Variants in TRPM2 observed in about 807,000 individuals in gnomAD.
TRPM2 encodes estrogen-responsive element-associated gene 1 protein.
Under a neutral mutation model 174.0 loss-of-function variants are expected in TRPM2, and 161 were observed. The ratio of observed to expected loss-of-function variants is 0.93; its 90% CI spans 0.81 to 1.05. The LOEUF is 1.05. Ranked by LOEUF, TRPM2 falls within the 50% of genes least tolerant of loss-of-function variation. The pLI, the probability that TRPM2 is intolerant of heterozygous loss-of-function variation, is 0.00. For synonymous variants in TRPM2, 954 were observed against 861.3 expected (o/e 1.11, Z -1.88); for missense variants, 2,057 against 2,038.0 (o/e 1.01, Z -0.18).
intron 3 of TRPM2, 21 bp downstream of exon 3, chr21:44,364,303 C>T (rs368881073): frequency 8.1e-6 from 13 of 1,612,088 alleles, no homozygotes; most frequent in African/African-American, 1.3e-5. Context: ...ATCACTCTCG[C>T]TCTGAACTGT....
In TRPM2 at chr21:44,418,357, GTCAGGGCT is replaced by G. The variant is rs371545566; in HGVS notation, c.3329-58_3329-51del. On this transcript the variant is annotated intron_variant, in intron 21 of 31. Coordinates refer to ENST00000397928, the MANE Select transcript of TRPM2 (RefSeq NM_003307.4). ...CCCTCCCACGGGGCCCCCCCGGTGG[GTCAGGGCT>G]TCAGGGCCCACCTCCTGAGGATTCC... The G allele has an allele frequency of 2.5e-6, 4 of 1,587,966 alleles. No homozygotes were observed. In the South Asian group the frequency reaches 3.4e-5, roughly 13 times the overall value.
intron 6 of TRPM2, 96 bp from the exon 7 acceptor site, chr21:44,377,616 C>T: frequency 6.5e-7 from 1 of 1,526,758 alleles, no homozygotes; most frequent in Non-Finnish European, 9.0e-7. Context: ...CACCTCTGTC[C>T]CCTCACTCGG....
At chr21:44,422,190 C>T in intron 22 of TRPM2, 1 of 1,476,144 alleles carries the variant, frequency 6.8e-7, no homozygotes, top group Non-Finnish European at 9.0e-7. Flanking sequence ...AGCTGGGCAC[C>T]TGGGAGGCGC....
intron 15 of TRPM2, among the ~76,000 whole-genome samples, chr21:44,400,969 A>C (rs2049598110): frequency 6.6e-6 from 1 of 152,178 alleles, no homozygotes. Context: ...TCAAGACCCC[A>C]GCGAGGTGGC....
At chr21:44,362,801 T>A (rs1278326523) in intron 2 of TRPM2, among the ~76,000 whole-genome samples, 1 of 151,770 alleles carries the variant, frequency 6.6e-6, no homozygotes, top group East Asian at 1.9e-4. Context: ...TTTTGAGGAG[T>A]CTCCCACTGT....
intron 12 of TRPM2, among the ~76,000 whole-genome samples, chr21:44,396,473 G>A (rs1383980272): frequency 1.6e-4 from 3 of 18,668 alleles, no homozygotes; most frequent in Non-Finnish European, 2.0e-4. Context: ...GTGTGGAGGG[G>A]TGTGGAGGCT....
chr21:44,383,850 A>T (rs1360587416), intron 9 of TRPM2, among the ~76,000 whole-genome samples: 2 of 152,248 alleles, frequency 1.3e-5, no homozygotes, highest in Admixed American at 1.3e-4. Context: ...TATGGGACAT[A>T]GCAAAAACAA....
chr21:44,428,797 A>T (rs1370654887), intron 27 of TRPM2, among the ~76,000 whole-genome samples: 2 of 145,110 alleles, frequency 1.4e-5, no homozygotes. Context: ...TCCTTCCCTG[A>T]GGTCTGGCTC....
rs754357733 is a variant in TRPM2 at position 44,382,707 on chromosome 21, G to A, written c.1216-11G>A. 1 of 1,613,322 alleles carries A rather than the reference G, an allele frequency of 6.2e-7. No homozygotes were observed. The highest frequency in any genetic ancestry group is 8.5e-7 in the Non-Finnish European group (1 of 1,179,634). On this transcript the variant is annotated splice_polypyrimidine_tract_variant and intron_variant, in intron 8 of 31. Coordinates refer to ENST00000397928, the MANE Select transcript of TRPM2 (RefSeq NM_003307.4). ...TCACTGTGTGTCTCACTTAGAAAAT[G>A]CTTGTTGCAGATCCAAGATATCGTC...
Position 44,440,775 on chromosome 21 carries a change from C to A in TRPM2, c.4270-14C>A. On this transcript the variant is annotated splice_polypyrimidine_tract_variant and intron_variant, in intron 30 of 31. Coordinates refer to ENST00000397928, the MANE Select transcript of TRPM2 (RefSeq NM_003307.4). ...GTCCCTCGCTGTCGGGCTTACCCTG[C>A]CCTGCCCATCCAGGTGTACAAAGGC... is the stretch of plus-strand genomic sequence containing the variant. 6.2e-7 allele frequency: 1 copy of A among 1,611,344 alleles called. No homozygotes were observed. Among genetic ancestry groups the A allele is most frequent in the African/African-American group, 1.3e-5 (1 of 75,002 alleles).
chr21:44,422,150 C>T lies in TRPM2; in HGVS notation c.3462-1495C>T, dbSNP rs139999835. ...CCTCAGCCCGTACCAAGGGCCCTAG[C>T]CTGGTCACCGTCCCCTCCTCCAGTG... On this transcript the variant is annotated intron_variant, in intron 22 of 31. Transcript: ENST00000397928. The T allele has an allele frequency of 1.4e-5, 17 of 1,198,998 alleles. 1 individual carries two copies. The South Asian group carries it at 2.5e-4, about 18-fold the overall frequency. The allele number at this position is 1,198,998 out of a possible 1,614,324, so 74.3% of individuals were successfully genotyped here. A position where few individuals can be genotyped will look rare whatever the true frequency, so the allele number is the denominator to read the frequency against.
intron 5 of TRPM2, among the ~76,000 whole-genome samples, chr21:44,374,301 G>A (rs950606979): frequency 1.8e-4 from 28 of 152,214 alleles, no homozygotes; most frequent in Admixed American, 7.8e-4. Context: ...GTGAGCCACC[G>A]TGCCTGGCCC....
Position 44,441,915 on chromosome 21 carries a change from G to A in TRPM2, c.*98G>A. On this transcript the variant is annotated 3_prime_UTR_variant, in exon 32 of 32. Transcript: ENST00000397928. ...CTGGCCAGGACTCAGGCTGTTCCTG[G>A]GCCCTGCACATGATGGGGTTTGGTG... The A allele has an allele frequency of 7.0e-7, 1 of 1,428,084 alleles. No individual in the cohort carries two copies. The highest frequency in any genetic ancestry group is 9.2e-7 in the Non-Finnish European group (1 of 1,089,342). The allele number at this position is 1,428,084 out of a possible 1,614,324, so 88.5% of individuals were successfully genotyped here. A position where few individuals can be genotyped will look rare whatever the true frequency, so the allele number is the denominator to read the frequency against.
intron 27 of TRPM2, among the ~76,000 whole-genome samples, chr21:44,433,716 C>A (rs1377510138): frequency 6.6e-6 from 1 of 152,192 alleles, no homozygotes; most frequent in Non-Finnish European, 1.5e-5. Context: ...TGGGCCCCAC[C>A]GTGCAAGGCC....
In TRPM2 at chr21:44,439,298, G is replaced by C; in HGVS notation, c.4269+130G>C. ...GTCCCACCCAGCTTCACCAGGTGAC[G>C]GTGGTCCCAGCCCCTGCCCCCACGT... On this transcript the variant is annotated intron_variant, in intron 30 of 31. Coordinates refer to ENST00000397928, the MANE Select transcript of TRPM2 (RefSeq NM_003307.4). This position sits in a 1 kb window ranked among gnomAD's most constrained non-coding sequence, Gnocchi z 5.1. The C allele has an allele frequency of 1.3e-6, 1 of 772,002 alleles. No individual in the cohort carries two copies. The highest frequency in any genetic ancestry group is 1.6e-5 in the South Asian group (1 of 61,472). The allele number at this position is 772,002 out of a possible 1,614,324, so 47.8% of individuals were successfully genotyped here.
intron 9 of TRPM2, among the ~76,000 whole-genome samples, chr21:44,384,750 T>TA (rs1333912471): frequency 2.0e-5 from 3 of 151,974 alleles, no homozygotes; most frequent in Admixed American, 6.6e-5. Flanking sequence ...GACTAAATCA[T>TA]AAAAAAATCA....
At chr21:44,361,650 T>C (rs747624094) in intron 2 of TRPM2, among the ~76,000 whole-genome samples, 28 of 152,176 alleles carry the variant, frequency 1.8e-4, no homozygotes, top group Non-Finnish European at 3.4e-4. Flanking sequence ...TCTGTGTTTT[T>C]TTTTTGCCTT....
intron 4 of TRPM2, among the ~76,000 whole-genome samples, chr21:44,368,726 C>G (rs1382858879): frequency 6.6e-6 from 1 of 152,172 alleles, no homozygotes; most frequent in Non-Finnish European, 1.5e-5. Flanking sequence ...GCCACCGTGC[C>G]CGGCCGGAGG....
At chr21:44,395,213 TC>T (rs1310751081) in intron 11 of TRPM2, among the ~76,000 whole-genome samples, 200 bp from the exon 12 acceptor site, 1 of 152,232 alleles carries the variant, frequency 6.6e-6, no homozygotes, top group African/African-American at 2.4e-5. Flanking sequence ...TCTAGATGTC[TC>T]CAGAACAGTG....
Sources: gnomAD v4.1 joint callset for allele counts (sites outside exome capture counted in the v4.1 genomes callset) on GRCh38, gnomAD v4.1.1 for gene constraint, Gnocchi (gnomAD v3.1) non-coding constraint, MANE v1.5 for transcripts, NCBI Gene and HGNC (gene_info 2026-07-23, HGNC 2026-07-21) for gene names.